Variants in TMEM163 observed in about 807,000 individuals in gnomAD.
TMEM163 encodes the protein transmembrane protein 163.
TMEM163 carries 17 observed loss-of-function variants against 29.3 expected under a neutral mutation model. That is an observed-to-expected ratio of 0.58 (90% CI 0.40 to 0.87). TMEM163 has a LOEUF of 0.87. Among genes scored for constraint, TMEM163 ranks in the 40% least tolerant of loss-of-function variants. The pLI is 0.00. For synonymous variants in TMEM163, 157 were observed against 160.6 expected (o/e 0.98, Z 0.17); for missense variants, 303 against 381.5 (o/e 0.79, Z 1.71).
intron 2 of TMEM163, among the ~76,000 whole-genome samples, chr2:134,593,852 T>C (rs1458831067): frequency 1.3e-5 from 2 of 151,662 alleles, no homozygotes; most frequent in African/African-American, 4.9e-5. Context: ...CTCAGTAAGA[T>C]GCCGGCTGCC....
At chr2:134,486,096 T>C (rs972577385) in intron 5 of TMEM163, among the ~76,000 whole-genome samples, 7 of 152,184 alleles carry the variant, frequency 4.6e-5, no homozygotes, top group African/African-American at 1.4e-4. Flanking sequence ...CTGAAAGCCA[T>C]GCCTAACACC....
chr2:134,671,838 C>T (rs1684003033), intron 2 of TMEM163, among the ~76,000 whole-genome samples: 1 of 152,196 alleles, frequency 6.6e-6, no homozygotes, highest in South Asian at 2.1e-4. Context: ...TTAGGACAAA[C>T]TTCTCAACCT....
intron 2 of TMEM163, among the ~76,000 whole-genome samples, chr2:134,553,449 A>T (rs548815424): frequency 2.6e-5 from 4 of 152,210 alleles, no homozygotes; most frequent in Non-Finnish European, 5.9e-5. Flanking sequence ...TAGTTGGTCA[A>T]TCTATGTGGT....
At chr2:134,569,567 C>T (rs986994631) in intron 2 of TMEM163, among the ~76,000 whole-genome samples, 2 of 152,184 alleles carry the variant, frequency 1.3e-5, no homozygotes, top group Non-Finnish European at 2.9e-5. Context: ...GCCATAGTCA[C>T]ATCCCCAGTC....
At chr2:134,496,114 T>G (rs957609205) in intron 5 of TMEM163, among the ~76,000 whole-genome samples, 1 of 151,530 alleles carries the variant, frequency 6.6e-6, no homozygotes, top group African/African-American at 2.4e-5. Flanking sequence ...CAGGCTGGAG[T>G]GCAGTGGCGC....
chr2:134,517,554 TTTCA>T (rs1420367303), intron 4 of TMEM163, among the ~76,000 whole-genome samples: 1 of 152,186 alleles, frequency 6.6e-6, no homozygotes, highest in African/African-American at 2.4e-5. Flanking sequence ...CAGTTTTGTG[TTTCA>T]TTTTTTCTAA....
intron 2 of TMEM163, among the ~76,000 whole-genome samples, chr2:134,682,325 T>C (rs1684264043): frequency 1.3e-5 from 2 of 152,178 alleles, no homozygotes; most frequent in Non-Finnish European, 2.9e-5. Context: ...AGCTGCAACT[T>C]CTCTTCTTGT....
intron 2 of TMEM163, among the ~76,000 whole-genome samples, chr2:134,572,762 G>A (rs540709779): frequency 2.0e-5 from 3 of 152,154 alleles, no homozygotes; most frequent in Non-Finnish European, 2.9e-5. Flanking sequence ...ACCCTTCAGC[G>A]CTTAATGATC....
At chr2:134,521,705 A>G (rs999253003) in intron 4 of TMEM163, among the ~76,000 whole-genome samples, 9 of 152,224 alleles carry the variant, frequency 5.9e-5, no homozygotes, top group Non-Finnish European at 1.3e-4. Flanking sequence ...GCAATGGTGA[A>G]CTCACAGAAA....
chr2:134,517,926 A>G (rs1167147598), intron 4 of TMEM163, among the ~76,000 whole-genome samples: 1 of 151,342 alleles, frequency 6.6e-6, no homozygotes, highest in East Asian at 1.9e-4. Flanking sequence ...TTCCTTTCAT[A>G]TATCACTACA....
intron 2 of TMEM163, among the ~76,000 whole-genome samples, chr2:134,696,233 C>T (rs1684578586): frequency 6.6e-6 from 1 of 152,048 alleles, no homozygotes; most frequent in Non-Finnish European, 1.5e-5. Context: ...CTCACATATC[C>T]AATTTCCATA....
chr2:134,655,785 A>AG (rs1683589827), intron 2 of TMEM163, among the ~76,000 whole-genome samples: 1 of 141,698 alleles, frequency 7.1e-6, no homozygotes, highest in Admixed American at 6.9e-5. Flanking sequence ...CCTCAGCTGC[A>AG]GGTCTGTTGG....
At chr2:134,577,154 CTTT>C (rs958234983) in intron 2 of TMEM163, among the ~76,000 whole-genome samples, 1 of 152,074 alleles carries the variant, frequency 6.6e-6, no homozygotes, top group Non-Finnish European at 1.5e-5. Flanking sequence ...TGTTTTGAGC[CTTT>C]TTTGATAGAC....
chr2:134,549,724 T>G (rs1487832700), intron 4 of TMEM163, among the ~76,000 whole-genome samples: 1 of 152,230 alleles, frequency 6.6e-6, no homozygotes, highest in Non-Finnish European at 1.5e-5. Context: ...GTCCAAAAGC[T>G]GCAGAGACAG....
At chr2:134,592,584 G>A (rs996550651) in intron 2 of TMEM163, among the ~76,000 whole-genome samples, 1 of 152,010 alleles carries the variant, frequency 6.6e-6, no homozygotes, top group African/African-American at 2.4e-5. Flanking sequence ...AAAGGGAGGG[G>A]GTATAACAAG....
rs941935556 is a variant in TMEM163 at position 134,524,411 on chromosome 2, C to T, written c.459-21414G>A. ...TAAGTTCTGGGATACATGCGCAGGA[C>T]GTGCAAGTTTGTTACATAGGTAACA... is the stretch of plus-strand genomic sequence containing the variant. On this transcript the variant is annotated intron_variant, in intron 4 of 7. Coordinates refer to ENST00000281924, the MANE Select transcript of TMEM163 (RefSeq NM_030923.5). Among the ~76,000 whole-genome samples the T allele has an allele frequency of 1.4e-4, 19 of 135,968 alleles. 1 individual carries two copies. Among genetic ancestry groups the T allele is most frequent in the South Asian group, 5.5e-4 (2 of 3,634 alleles). 89.2% of individuals were successfully genotyped at this position (135,968 alleles called of 152,430 possible).
chr2:134,669,887 C>G (rs765151982), intron 2 of TMEM163, among the ~76,000 whole-genome samples: 1 of 152,098 alleles, frequency 6.6e-6, no homozygotes, highest in South Asian at 2.1e-4. Flanking sequence ...TTCCAGCCCC[C>G]GGTTGTTCAA....
intron 5 of TMEM163, among the ~76,000 whole-genome samples, chr2:134,499,562 C>T (rs1427942379): frequency 6.6e-6 from 1 of 152,342 alleles, no homozygotes; most frequent in Non-Finnish European, 1.5e-5. Flanking sequence ...GGCAACACCA[C>T]GAGGCTCAGA....
chr2:134,461,381 A>G (rs1428654326), intron 6 of TMEM163, among the ~76,000 whole-genome samples: 1 of 152,214 alleles, frequency 6.6e-6, no homozygotes, highest in African/African-American at 2.4e-5. Flanking sequence ...GAGCAGGAGA[A>G]AACAGCAGGC....
Sources: allele counts gnomAD v4.1 joint callset (sites outside exome capture counted in the v4.1 genomes callset), GRCh38; gene constraint gnomAD v4.1.1; transcripts MANE v1.5; gene names NCBI Gene and HGNC (gene_info 2026-07-23, HGNC 2026-07-21).